The following SEL1L2 variants were observed in gnomAD, a reference collection of about 807,000 sequenced individuals.
SEL1L2 encodes the protein SEL1L2 adaptor subunit of SYVN1 ubiquitin ligase.
Under a neutral mutation model 98.8 loss-of-function variants are expected in SEL1L2, and 89 were observed. The observed-to-expected ratio is 0.90, with a 90% CI of 0.76 to 1.07. SEL1L2 has a LOEUF of 1.07. SEL1L2 is among the 50% of genes least tolerant of loss of function. The pLI, the probability that SEL1L2 is intolerant of heterozygous loss-of-function variation, is 0.00. For missense variants in SEL1L2, 788 were observed against 812.0 expected, an observed-to-expected ratio of 0.97 and a Z score of 0.36; for synonymous variants, 262 against 278.5, an observed-to-expected ratio of 0.94 and a Z score of 0.59.
intron 3 of SEL1L2, among the ~76,000 whole-genome samples, chr20:13,924,379 G>A (rs1267167933): frequency 1.3e-5 from 2 of 150,048 alleles, no homozygotes; most frequent in African/African-American, 2.4e-5. Flanking sequence ...ATCTTCTTAA[G>A]CCATCCTTTG....
intron 1 of SEL1L2, among the ~76,000 whole-genome samples, chr20:13,988,746 T>A (rs1317830572): frequency 6.6e-6 from 1 of 152,122 alleles, no homozygotes; most frequent in African/African-American, 2.4e-5. Flanking sequence ...TGCGGTGTGA[T>A]TCATTCCTGT....
chr20:13,883,357 A>G (rs536510921), intron 10 of SEL1L2, among the ~76,000 whole-genome samples: 3 of 152,342 alleles, frequency 2.0e-5, no homozygotes, highest in South Asian at 4.1e-4. Flanking sequence ...TTCTTGCTTT[A>G]TAAATGAGGG....
intron 5 of SEL1L2, among the ~76,000 whole-genome samples, chr20:13,894,322 G>A (rs1364178696): frequency 6.6e-6 from 1 of 152,132 alleles, no homozygotes; most frequent in Non-Finnish European, 1.5e-5. Flanking sequence ...CACTTTGGGA[G>A]GCCAAGGTGG....
At chr20:13,915,252 A>T in intron 4 of SEL1L2, 1 of 1,288,854 alleles carries the variant, frequency 7.8e-7, no homozygotes, top group Non-Finnish European at 1.0e-6. Context: ...CTGGATGTCA[A>T]AACACAGGGT....
intron 10 of SEL1L2, among the ~76,000 whole-genome samples, chr20:13,882,009 A>G (rs537763751): frequency 6.6e-6 from 1 of 152,352 alleles, no homozygotes; most frequent in South Asian, 2.1e-4. Context: ...TAATGTATAC[A>G]CTACATTTGC....
At chr20:13,912,979 G>A (rs2148185771) in intron 5 of SEL1L2, among the ~76,000 whole-genome samples, 2 of 152,328 alleles carry the variant, frequency 1.3e-5, no homozygotes, top group Non-Finnish European at 1.5e-5. Flanking sequence ...TCATGCAGAA[G>A]GAGGTGAAAG....
chr20:13,982,221 A>G (rs963429274), intron 1 of SEL1L2, among the ~76,000 whole-genome samples: 1 of 152,180 alleles, frequency 6.6e-6, no homozygotes, highest in Non-Finnish European at 1.5e-5. Flanking sequence ...CTAGAAAGAA[A>G]TAGATGGGGC....
chr20:13,900,747 G>A (rs1331442145), intron 5 of SEL1L2, among the ~76,000 whole-genome samples: 1 of 152,162 alleles, frequency 6.6e-6, no homozygotes, highest in Non-Finnish European at 1.5e-5. Context: ...TAGGGGCACT[G>A]CTTTGGGGCA....
In SEL1L2 at chr20:13,849,548, G is replaced by A; in HGVS notation, c.2004C>T (p.Asp668=). The change falls in exon 20 of 20, where the codon GAC becomes GAT. Residue 668 remains aspartate (D), a synonymous_variant. Coordinates refer to ENST00000284951, the MANE Select transcript of SEL1L2 (RefSeq NM_025229.2). ...GAACAATGAGGCCAATCACAAATAA[G>A]TCCCAGTGTGGTCCAATGGTGTTGT... ...KLDNTIGPHW[D]LFVIGLIVPG... The A allele has an allele frequency of 1.9e-6, 3 of 1,614,022 alleles. No homozygotes were observed. Among genetic ancestry groups the A allele is most frequent in the Non-Finnish European group, 1.7e-6 (2 of 1,179,940 alleles).
intron 2 of SEL1L2, among the ~76,000 whole-genome samples, chr20:13,932,726 C>T (rs1468386257): frequency 2.0e-5 from 3 of 152,138 alleles, no homozygotes; most frequent in African/African-American, 7.2e-5. Flanking sequence ...CCACCACACC[C>T]GGCCCTTTTT....
At chr20:13,976,335 T>G (rs1447001263) in intron 1 of SEL1L2, among the ~76,000 whole-genome samples, 1 of 152,092 alleles carries the variant, frequency 6.6e-6, no homozygotes, top group Admixed American at 6.6e-5. Context: ...TTGTCTGTTT[T>G]TTTAAAGAGG....
chr20:13,877,610 T>C (rs761228877), intron 10 of SEL1L2, 22 bp from the exon 11 acceptor site: 5 of 1,586,552 alleles, frequency 3.2e-6, no homozygotes, highest in African/African-American at 1.3e-5. Context: ...AGGAACAGTG[T>C]TATTGCTAGT....
intron 2 of SEL1L2, among the ~76,000 whole-genome samples, chr20:13,953,092 T>TTTG (rs2050349637): frequency 6.6e-6 from 1 of 152,170 alleles, no homozygotes; most frequent in South Asian, 2.1e-4. Flanking sequence ...AACCTTAGAC[T>TTTG]GGTTGGCTTA....
intron 18 of SEL1L2, among the ~76,000 whole-genome samples, chr20:13,856,936 G>T (rs1989258446): frequency 6.6e-6 from 1 of 152,130 alleles, no homozygotes; most frequent in Non-Finnish European, 1.5e-5. Context: ...TGACTTAACT[G>T]CTGGGAAGGC....
intron 5 of SEL1L2, among the ~76,000 whole-genome samples, chr20:13,899,281 T>C (rs1178030228): frequency 6.6e-6 from 1 of 152,178 alleles, no homozygotes; most frequent in Non-Finnish European, 1.5e-5. Context: ...CTGATTTTAA[T>C]ATGGATGTCT....
chr20:13,866,156 A>G (rs1990999600), intron 15 of SEL1L2, among the ~76,000 whole-genome samples: 1 of 152,200 alleles, frequency 6.6e-6, no homozygotes, highest in Non-Finnish European at 1.5e-5. Context: ...ATTGCAACAT[A>G]GAGTATTTAT....
upstream of SEL1L2, among the ~76,000 whole-genome samples, chr20:13,994,761 T>C (rs964292386): frequency 1.3e-5 from 2 of 152,226 alleles, no homozygotes; most frequent in African/African-American, 2.4e-5. Context: ...CGGCTCTGGT[T>C]AACAGGCATC....
chr20:13,957,120 G>C (rs1176987312), intron 1 of SEL1L2, among the ~76,000 whole-genome samples: 1 of 131,292 alleles, frequency 7.6e-6, no homozygotes, highest in Admixed American at 7.5e-5. Flanking sequence ...TTTTTTTTTT[G>C]GACACAGAGT....
chr20:13,950,805 G>A (rs1039890672), intron 2 of SEL1L2, among the ~76,000 whole-genome samples: 3 of 152,092 alleles, frequency 2.0e-5, no homozygotes, highest in African/African-American at 7.2e-5. Flanking sequence ...GTGGCAATAG[G>A]GAGGGAGAAG....
Sources: allele counts gnomAD v4.1 joint callset (sites outside exome capture counted in the v4.1 genomes callset), GRCh38; gene constraint gnomAD v4.1.1; transcripts MANE v1.5; gene names NCBI Gene and HGNC (gene_info 2026-07-23, HGNC 2026-07-21).